The following ACTR3C variants were observed in gnomAD, a reference collection of about 807,000 sequenced individuals.
ACTR3C encodes actin related protein 3C, also known as actin-related protein 3C.
In ACTR3C, 18 loss-of-function variants were observed where a neutral mutation model predicts 26.3. That is an observed-to-expected ratio of 0.68 (90% CI 0.47 to 1.01). The LOEUF (loss-of-function observed/expected upper bound fraction) is 1.01, where lower values mean the gene tolerates loss of function less well. ACTR3C is among the 50% of genes least tolerant of loss of function. The probability of loss-of-function intolerance (pLI) is 0.00; values close to 1 mark genes in which losing one functional copy is unlikely to be tolerated. For synonymous variants in ACTR3C, 55 were observed against 94.5 expected (o/e 0.58, Z 2.42); for missense variants, 184 against 250.7 (o/e 0.73, Z 1.80).
chr7:149,914,188 T>C, the ACTR3C span, among the ~76,000 whole-genome samples: 1 of 151,538 alleles, frequency 6.6e-6, no homozygotes, highest in Non-Finnish European at 1.5e-5. Flanking sequence ...CGAGCCCAGC[T>C]ACCAAATGCA....
the ACTR3C span, among the ~76,000 whole-genome samples, chr7:150,148,153 T>TAAAAAAAA: frequency 8.7e-6 from 1 of 115,274 alleles, no homozygotes; most frequent in African/African-American, 3.5e-5. Flanking sequence ...GCTTAAAAGT[T>TAAAAAAAA]AAAAAAAAAA....
the ACTR3C span, among the ~76,000 whole-genome samples, chr7:150,033,829 C>T: frequency 1.3e-5 from 2 of 151,666 alleles, no homozygotes. Flanking sequence ...TCAGTCCCTG[C>T]CTCGTGGGGG....
the ACTR3C span, among the ~76,000 whole-genome samples, chr7:150,012,882 TG>T: frequency 2.0e-5 from 3 of 152,254 alleles, no homozygotes; most frequent in African/African-American, 7.2e-5. Flanking sequence ...AAAGGCGGCT[TG>T]GTTCCGCTCA....
the ACTR3C span, among the ~76,000 whole-genome samples, chr7:150,135,764 TGA>T: frequency 3.7e-5 from 4 of 108,356 alleles, 1 homozygote; most frequent in Non-Finnish European, 6.8e-5. Flanking sequence ...GTCTGAACTC[TGA>T]GAGAAAGAAA....
the ACTR3C span, among the ~76,000 whole-genome samples, chr7:150,031,080 A>C: frequency 6.6e-6 from 1 of 152,038 alleles, no homozygotes; most frequent in Non-Finnish European, 1.5e-5. Context: ...AACATAGTGA[A>C]ACCCCATCTC....
chr7:150,312,078 G>A (rs1343397557), intron 1 of ACTR3C, among the ~76,000 whole-genome samples: 1 of 152,172 alleles, frequency 6.6e-6, no homozygotes. Flanking sequence ...GGATCTTATT[G>A]CTAAAGAAAA....
At chr7:150,261,278 C>T (rs1254341922) in intron 6 of ACTR3C, among the ~76,000 whole-genome samples, 5 of 152,082 alleles carry the variant, frequency 3.3e-5, no homozygotes, top group East Asian at 1.9e-4. Flanking sequence ...GGCTAAATTT[C>T]GGTTAGCAGA....
chr7:150,033,538 A>T, the ACTR3C span, among the ~76,000 whole-genome samples: 1 of 151,208 alleles, frequency 6.6e-6, no homozygotes, highest in Non-Finnish European at 1.5e-5. Flanking sequence ...GAGGATCCAC[A>T]ATGGGGGTCC....
the ACTR3C span, among the ~76,000 whole-genome samples, chr7:150,058,652 C>T: frequency 6.6e-6 from 1 of 152,162 alleles, no homozygotes; most frequent in African/African-American, 2.4e-5. Context: ...CGCCGTGGCT[C>T]ACGCCTGTAA....
chr7:150,061,464 G>A, the ACTR3C span, among the ~76,000 whole-genome samples: 10 of 147,310 alleles, frequency 6.8e-5, no homozygotes, highest in Non-Finnish European at 1.1e-4. Flanking sequence ...GAGATCCACC[G>A]GGCACCTCCA....
chr7:149,883,791 G>A, the ACTR3C span, among the ~76,000 whole-genome samples: 3 of 152,158 alleles, frequency 2.0e-5, no homozygotes, highest in African/African-American at 7.2e-5. Flanking sequence ...AATGAATGAC[G>A]AGCATTGAGC....
At chr7:150,080,670 G>C in the ACTR3C span, among the ~76,000 whole-genome samples, 1,855 of 152,112 alleles carry the variant, frequency 0.012, 46 homozygotes, top group African/African-American at 0.043. Context: ...TGGGCAGCAT[G>C]GGGTGAGATT....
the ACTR3C span, among the ~76,000 whole-genome samples, chr7:149,911,767 G>C: frequency 6.6e-6 from 1 of 151,854 alleles, no homozygotes; most frequent in Non-Finnish European, 1.5e-5. Context: ...TTCGTATTTT[G>C]AGTATACTAT....
At chr7:150,195,107 GTA>G in the ACTR3C span, among the ~76,000 whole-genome samples, 68 of 138,466 alleles carry the variant, frequency 4.9e-4, no homozygotes, top group East Asian at 8.6e-3. Flanking sequence ...ATACATATAT[GTA>G]TATATATATA....
the ACTR3C span, among the ~76,000 whole-genome samples, chr7:149,983,292 A>G: frequency 0.15 from 22,593 of 150,764 alleles, 3,384 homozygotes; most frequent in African/African-American, 0.39. Flanking sequence ...AAGAAAACAT[A>G]CAAATGGCCA....
chr7:150,033,748 C>A, the ACTR3C span, among the ~76,000 whole-genome samples: 2 of 151,080 alleles, frequency 1.3e-5, no homozygotes, highest in Admixed American at 1.3e-4. Context: ...TCAGTCCCCA[C>A]CCTCGTGGGG....
the ACTR3C span, among the ~76,000 whole-genome samples, chr7:149,924,039 T>C: frequency 6.6e-6 from 1 of 150,768 alleles, no homozygotes; most frequent in Non-Finnish European, 1.5e-5. Flanking sequence ...ACATAATTAA[T>C]AAGGTAGTTC....
chr7:150,037,983 C>A, the ACTR3C span, among the ~76,000 whole-genome samples: 1 of 139,460 alleles, frequency 7.2e-6, no homozygotes, highest in African/African-American at 2.7e-5. Flanking sequence ...GGGAGGTTCG[C>A]AGTCCCCGCC....
At chr7:150,001,061 A>G in the ACTR3C span, 1 of 152,398 alleles carries the variant, frequency 6.6e-6, no homozygotes, top group Non-Finnish European at 1.5e-5. Flanking sequence ...GCATCACAGG[A>G]GGTCTCAGGG....
Sources: gnomAD v4.1 joint callset for allele counts (sites outside exome capture counted in the v4.1 genomes callset) on GRCh38, gnomAD v4.1.1 for gene constraint, MANE v1.5 for transcripts, NCBI Gene and HGNC (gene_info 2026-07-23, HGNC 2026-07-21) for gene names.